LRMDA: variants seen among roughly 807,000 people sequenced by gnomAD.
LRMDA encodes leucine-rich melanocyte differentiation-associated protein.
Under a neutral mutation model 29.8 loss-of-function variants are expected in LRMDA, and 18 were observed. The ratio of observed to expected loss-of-function variants is 0.60; its 90% CI spans 0.42 to 0.90. LRMDA has a LOEUF of 0.90. Ranked by LOEUF, LRMDA falls within the 40% of genes least tolerant of loss-of-function variation. The pLI is 0.00. For synonymous variants in LRMDA, 125 were observed against 109.4 expected (o/e 1.14, Z -0.89); for missense variants, 273 against 273.9 (o/e 1.00, Z 0.02).
At chr10:75,527,728 T>C (rs1180434173) in intron 2 of LRMDA, among the ~76,000 whole-genome samples, 2 of 147,218 alleles carry the variant, frequency 1.4e-5, no homozygotes, top group Non-Finnish European at 3.0e-5. Context: ...AATATAATTA[T>C]ATAATAATTA....
chr10:75,772,945 C>T (rs1415322593), intron 2 of LRMDA, among the ~76,000 whole-genome samples: 1 of 151,742 alleles, frequency 6.6e-6, no homozygotes, highest in Non-Finnish European at 1.5e-5. Flanking sequence ...TTTGGGTGTA[C>T]ACCTTCTGAA....
chr10:76,108,223 T>TG (rs1849519522), intron 5 of LRMDA, among the ~76,000 whole-genome samples: 2 of 152,176 alleles, frequency 1.3e-5, no homozygotes, highest in Non-Finnish European at 2.9e-5. Context: ...ATTGGGTCTC[T>TG]GATCCAATTG....
chr10:75,634,584 T>C (rs1471186522), intron 2 of LRMDA, among the ~76,000 whole-genome samples: 1 of 152,164 alleles, frequency 6.6e-6, no homozygotes, highest in African/African-American at 2.4e-5. Flanking sequence ...CCCGCCCCAG[T>C]GGGCATTTGA....
intron 6 of LRMDA, among the ~76,000 whole-genome samples, chr10:76,424,539 AAAAAAC>A (rs775516160): frequency 5.5e-4 from 83 of 152,214 alleles, no homozygotes; most frequent in African/African-American, 1.5e-3. Context: ...ACTCCATCTC[AAAAAAC>A]AAAAACAAAA....
At chr10:76,460,529 C>T (rs182451982) in intron 6 of LRMDA, among the ~76,000 whole-genome samples, 32 of 152,288 alleles carry the variant, frequency 2.1e-4, no homozygotes, top group African/African-American at 7.5e-4. Context: ...GATCACATAT[C>T]GTGAATGCCT....
chr10:76,536,227 G>T (rs1907311), intron 6 of LRMDA, among the ~76,000 whole-genome samples: 63,099 of 152,050 alleles, frequency 0.41, 14,247 homozygotes, highest in African/African-American at 0.56. Flanking sequence ...TTAATGTTAA[G>T]TCACCATTGT....
At chr10:76,089,075 A>G (rs1269273703) in intron 5 of LRMDA, among the ~76,000 whole-genome samples, 1 of 152,214 alleles carries the variant, frequency 6.6e-6, no homozygotes, top group Admixed American at 6.5e-5. Context: ...GCCATTCTTT[A>G]TACAGGATTG....
At chr10:76,071,711 C>A (rs1267819742) in intron 5 of LRMDA, among the ~76,000 whole-genome samples, 1 of 152,158 alleles carries the variant, frequency 6.6e-6, no homozygotes, top group Admixed American at 6.5e-5. Context: ...ACTGTGTAGG[C>A]CAAACGCTCT....
At chr10:75,989,082 G>A (rs1847313394) in intron 2 of LRMDA, among the ~76,000 whole-genome samples, 1 of 151,628 alleles carries the variant, frequency 6.6e-6, no homozygotes, top group Admixed American at 6.6e-5. Flanking sequence ...GCCTTCCATT[G>A]CGGGAATCCA....
chr10:76,354,583 C>T (rs1374597983), intron 6 of LRMDA, among the ~76,000 whole-genome samples: 1 of 152,152 alleles, frequency 6.6e-6, no homozygotes, highest in Non-Finnish European at 1.5e-5. Context: ...TCCTCTGCTT[C>T]CTAACTAGTA....
chr10:75,537,959 C>T (rs981831273), intron 2 of LRMDA, among the ~76,000 whole-genome samples: 39 of 152,184 alleles, frequency 2.6e-4, no homozygotes, highest in African/African-American at 9.4e-4. Flanking sequence ...GGGTCACACA[C>T]AGCTCACATG....
intron 6 of LRMDA, among the ~76,000 whole-genome samples, chr10:76,519,983 G>A (rs938480631): frequency 1.3e-5 from 2 of 151,962 alleles, no homozygotes; most frequent in Non-Finnish European, 2.9e-5. Flanking sequence ...TTTTTACATG[G>A]TTAGACCTAA....
At chr10:76,132,872 G>A (rs1001164759) in intron 5 of LRMDA, among the ~76,000 whole-genome samples, 4 of 150,842 alleles carry the variant, frequency 2.7e-5, no homozygotes, top group African/African-American at 7.3e-5. Flanking sequence ...GCACTATCTT[G>A]GCTCACTGCA....
chr10:75,498,965 G>A (rs949746425), intron 2 of LRMDA, among the ~76,000 whole-genome samples: 8 of 152,100 alleles, frequency 5.3e-5, no homozygotes, highest in African/African-American at 1.9e-4. Flanking sequence ...GGTGGAAAGA[G>A]GGTATGTGTT....
Position 75,523,943 on chromosome 10 carries a change from A to G in LRMDA, c.131+85449A>G, listed in dbSNP as rs977777811. ...TGGAGTTGGAAGACTCAGGATGTCAACTGTCAGTGACTTGGCTTTGAATAG... is the reference window on the plus strand; with the variant it reads ...TGGAGTTGGAAGACTCAGGATGTCAGCTGTCAGTGACTTGGCTTTGAATAG... On this transcript the variant is annotated intron_variant, in intron 2 of 6. Coordinates refer to ENST00000611255, the MANE Select transcript of LRMDA (RefSeq NM_001305581.2). Among the ~76,000 whole-genome samples the G allele has an allele frequency of 5.3e-5, 8 of 152,328 alleles. No homozygotes were observed. In the South Asian group the frequency reaches 6.2e-4, roughly 12 times the overall value.
intron 2 of LRMDA, among the ~76,000 whole-genome samples, chr10:75,656,593 C>T (rs147354277): frequency 6.6e-6 from 1 of 152,216 alleles, no homozygotes; most frequent in East Asian, 1.9e-4. Context: ...CCTGTTTGTC[C>T]CCCATTATTC....
chr10:75,840,898 G>A (rs1170904026), intron 2 of LRMDA, among the ~76,000 whole-genome samples: 1 of 152,282 alleles, frequency 6.6e-6, no homozygotes, highest in South Asian at 2.1e-4. Flanking sequence ...TTTGACCATG[G>A]CAGCTGTCTG....
At chr10:76,119,295 C>T (rs1459239648) in intron 5 of LRMDA, among the ~76,000 whole-genome samples, 2 of 152,142 alleles carry the variant, frequency 1.3e-5, no homozygotes, top group East Asian at 1.9e-4. Flanking sequence ...AGGCTCCTCA[C>T]ACTTAAATGG....
intron 2 of LRMDA, among the ~76,000 whole-genome samples, chr10:75,898,226 A>T (rs554253175): frequency 6.6e-6 from 1 of 152,356 alleles, no homozygotes; most frequent in South Asian, 2.1e-4. Flanking sequence ...GTTGCTACTT[A>T]GTCCAAGAAT....
Sources: allele counts gnomAD v4.1 joint callset (sites outside exome capture counted in the v4.1 genomes callset), GRCh38; gene constraint gnomAD v4.1.1; transcripts MANE v1.5; gene names NCBI Gene and HGNC (gene_info 2026-07-23, HGNC 2026-07-21).